The following PDE6B variants were observed in gnomAD, a reference collection of about 807,000 sequenced individuals.
PDE6B encodes phosphodiesterase 6B, also known as rod cGMP-specific 3',5'-cyclic phosphodiesterase subunit beta.
In PDE6B, 106 loss-of-function variants were observed where a neutral mutation model predicts 109.0. The ratio of observed to expected loss-of-function variants is 0.97; its 90% CI spans 0.83 to 1.14. The LOEUF is 1.14. Among genes scored for constraint, PDE6B ranks in the 50% most tolerant of loss-of-function variants. The probability of loss-of-function intolerance (pLI) is 0.00; values close to 1 mark genes in which losing one functional copy is unlikely to be tolerated. For synonymous variants in PDE6B, 490 were observed against 471.3 expected (o/e 1.04, Z -0.51); for missense variants, 1,193 against 1,155.6 (o/e 1.03, Z -0.47).
In PDE6B at chr4:667,856, G is replaced by A. The variant is rs1211131572; in HGVS notation, c.2353G>A (p.Glu785Lys). 6.2e-7 allele frequency: 1 copy of A among 1,612,820 alleles called. No individual in the cohort carries two copies. Among genetic ancestry groups the A allele is most frequent in the African/African-American group, 1.3e-5 (1 of 74,900 alleles). The change falls in exon 21 of 22, where the codon GAG becomes AAG. Residue 785 changes from glutamate (E) to lysine (K), a missense_variant and splice_region_variant. By Grantham distance (56) the Glu-to-Lys change is moderately conservative. Transcript: ENST00000496514. ...IDFVCTFVYK[E>K]FSRFHEEILP... is the part of the protein sequence containing the mutation. ...GTGGTGACTTCTCGACTCCCCTCAG[G>A]AGTTCTCTCGTTTCCACGAAGAGAT... is the stretch of plus-strand genomic sequence containing the variant.
chr4:646,998 C>T (rs1294393791), intron 3 of PDE6B, among the ~76,000 whole-genome samples: 6 of 151,804 alleles, frequency 4.0e-5, no homozygotes, highest in African/African-American at 1.5e-4. Flanking sequence ...GCTGGGATTA[C>T]AGGTGCCCAC....
intron 1 of PDE6B, among the ~76,000 whole-genome samples, chr4:631,002 GA>G (rs1560101967): frequency 6.6e-6 from 1 of 152,234 alleles, no homozygotes; most frequent in Non-Finnish European, 1.5e-5. Context: ...GGTGCCTGCT[GA>G]GACCAGTGAC....
chr4:629,290 C>G (rs377184538), intron 1 of PDE6B, among the ~76,000 whole-genome samples: 1 of 152,206 alleles, frequency 6.6e-6, no homozygotes, highest in Non-Finnish European at 1.5e-5. Flanking sequence ...AGCCACCAGC[C>G]CCCCCATCAC....
chr4:654,834 T>TCTGCTTCTCAGGAAATTGTCTA lies in PDE6B; in HGVS notation c.940_941insGCTTCTCAGGAAATTGTCTACT (p.Tyr314CysfsTer50). On this transcript the variant is annotated frameshift_variant, in exon 6 of 22. Coordinates refer to ENST00000496514, the MANE Select transcript of PDE6B (RefSeq NM_000283.4). LOFTEE classifies it high-confidence loss of function. ...TCTTCTGCTTCTCAGGAAATTGTCT[T>TCTGCTTCTCAGGAAATTGTCTA]CTACAAAGTGATCGACTACGTCCTC... 6.4e-7 allele frequency: 1 copy of TCTGCTTCTCAGGAAATTGTCTA among 1,561,978 alleles called. No homozygotes were observed. Among genetic ancestry groups the TCTGCTTCTCAGGAAATTGTCTA allele is most frequent in the Non-Finnish European group, 8.8e-7 (1 of 1,132,402 alleles).
Position 643,747 on chromosome 4 carries a change from G to A in PDE6B, c.711+7778G>A, listed in dbSNP as rs185067693. On this transcript the variant is annotated intron_variant, in intron 3 of 21. Coordinates refer to ENST00000496514, the MANE Select transcript of PDE6B (RefSeq NM_000283.4). ...ATTTATTTTCTTCTGCTTGCTTTAG[G>A]CTTAATTTGAAGTTCTTTTTCTAGT... Among the ~76,000 whole-genome samples, 533 of 149,670 alleles carry A rather than the reference G, an allele frequency of 3.6e-3. 6 individuals carry two copies. The highest frequency in any genetic ancestry group is 0.013 in the African/African-American group (504 of 39,646).
rs767873714 is a variant in PDE6B at position 663,180 on chromosome 4, C to T, written c.1913C>T (p.Ser638Leu). 19 of 1,587,262 alleles carry T rather than the reference C, an allele frequency of 1.2e-5. No individual in the cohort carries two copies. The South Asian group carries it at 1.4e-4, about 12-fold the overall frequency. The change falls in exon 15 of 22, where the codon TCG becomes TTG. Residue 638 changes from serine to leucine, a missense_variant. Ser to Leu is a moderately radical substitution (Grantham distance 145). Coordinates refer to ENST00000496514, the MANE Select transcript of PDE6B (RefSeq NM_000283.4). This position sits in a 1 kb window ranked among gnomAD's most constrained non-coding sequence, Gnocchi z 4.0. ...HHLEFGKFLL[S>L]EETLNIYQNL... ...CTGGAGTTTGGGAAGTTCCTGCTCT[C>T]GGAGGAGGTTGGTATACTCACCCTC...
rs1204738974 is a variant in PDE6B, at chr4:670,683, A to C, written c.*576A>C. On this transcript the variant is annotated 3_prime_UTR_variant, in exon 22 of 22. Transcript: ENST00000496514. ...AGAACATTTGCAGCCACACATGTACATATGTGTACACAGGTAGACAGATGG... is the reference window on the plus strand; with the variant it reads ...AGAACATTTGCAGCCACACATGTACCTATGTGTACACAGGTAGACAGATGG... 2 of 167,276 alleles carry C rather than the reference A, an allele frequency of 1.2e-5. No individual in the cohort carries two copies. The highest frequency in any genetic ancestry group is 2.6e-5 in the Non-Finnish European group (2 of 76,148). The allele number at this position is 167,276 out of a possible 1,614,324, so 10.4% of individuals were successfully genotyped here.
chr4:657,230 C>A, intron 9 of PDE6B, 121 bp from the exon 10 acceptor site: 2 of 1,267,586 alleles, frequency 1.6e-6, no homozygotes, highest in African/African-American at 1.5e-5. Context: ...CACAGAAGCA[C>A]TGCGACACCA....
intron 17 of PDE6B, among the ~76,000 whole-genome samples, chr4:664,587 G>C (rs1328007890): frequency 6.6e-6 from 1 of 152,156 alleles, no homozygotes; most frequent in Non-Finnish European, 1.5e-5. Context: ...AGGCCGAGGG[G>C]AGTGGATCAC....
intron 2 of PDE6B, among the ~76,000 whole-genome samples, chr4:635,341 ACCTGCCTG>A (rs1250629795): frequency 2.7e-5 from 2 of 74,810 alleles, no homozygotes; most frequent in East Asian, 4.3e-4. Flanking sequence ...CCACCTCCTT[ACCTGCCTG>A]CCTGCCTGCC....
intron 1 of PDE6B, among the ~76,000 whole-genome samples, chr4:634,005 T>G (rs34698095): frequency 0.031 from 4,420 of 143,378 alleles, 65 homozygotes; most frequent in Middle Eastern, 0.041. Context: ...GGAGTGAGGG[T>G]GGGTGGGTAC....
chr4:631,014 G>A (rs1260996342), intron 1 of PDE6B, among the ~76,000 whole-genome samples: 4 of 152,222 alleles, frequency 2.6e-5, no homozygotes, highest in African/African-American at 4.8e-5. Flanking sequence ...GACCAGTGAC[G>A]CAGCCAGGAA....
At chr4:645,679 C>T (rs1438969749) in intron 3 of PDE6B, among the ~76,000 whole-genome samples, 4 of 152,058 alleles carry the variant, frequency 2.6e-5, no homozygotes, top group African/African-American at 9.7e-5. Context: ...GTTGCACTTA[C>T]TCTTTATTAT....
intron 20 of PDE6B, among the ~76,000 whole-genome samples, chr4:667,576 C>T (rs540134279): frequency 6.6e-6 from 1 of 152,312 alleles, no homozygotes; most frequent in African/African-American, 2.4e-5. Flanking sequence ...GGCACCCTGC[C>T]CCCACCCCCT....
chr4:626,020 T>C lies in PDE6B; in HGVS notation c.394T>C (p.Phe132Leu), dbSNP rs1465365317. Residue 132 changes from phenylalanine (F) to leucine (L), a missense_variant, in exon 1 of 22, where the codon TTC becomes CTC. Coordinates refer to ENST00000496514, the MANE Select transcript of PDE6B (RefSeq NM_000283.4). This position sits in a 1 kb window ranked among gnomAD's most constrained non-coding sequence, Gnocchi z 4.6. ...CLVPPDSEIVFPLDIGVVGHV... is the reference protein window; with the variant it reads ...CLVPPDSEIVLPLDIGVVGHV... ...GGTGCCCCCCGACTCCGAGATCGTC[T>C]TCCCACTGGACATCGGGGTCGTGGG... is the stretch of plus-strand genomic sequence containing the variant. 2 of 1,594,476 alleles carry C rather than the reference T, an allele frequency of 1.3e-6. No individual in the cohort carries two copies. The highest frequency in any genetic ancestry group is 8.5e-7 in the Non-Finnish European group (1 of 1,171,242).
In PDE6B at chr4:663,860, C is replaced by G. The variant is rs1560135168; in HGVS notation, c.2011C>G (p.Leu671Val). The change falls in exon 16 of 22, where the codon CTG becomes GTG. Residue 671 changes from leucine (L) to valine (V), a missense_variant. By Grantham distance (32) the Leu-to-Val change is conservative. Transcript: ENST00000496514. This position sits in a 1 kb window ranked among gnomAD's most constrained non-coding sequence, Gnocchi z 4.0. ...CGCCATCATCGCCACGGACCTGGCC[C>G]TGTACTTCAAGTGCGCGCCTTCCGG... ...DIAIIATDLA[L>V]YFKKRAMFQK... 6.2e-7 allele frequency: 1 copy of G among 1,609,022 alleles called. No homozygotes were observed. Among genetic ancestry groups the G allele is most frequent in the Non-Finnish European group, 8.5e-7 (1 of 1,177,518 alleles).
intron 3 of PDE6B, among the ~76,000 whole-genome samples, chr4:637,929 C>T (rs761101586): frequency 1.4e-4 from 21 of 152,178 alleles, no homozygotes; most frequent in Non-Finnish European, 1.6e-4. Flanking sequence ...CTGATACCAG[C>T]GCAGGGGAAT....
intron 3 of PDE6B, among the ~76,000 whole-genome samples, chr4:641,507 G>A (rs1027227327): frequency 9.2e-5 from 14 of 152,202 alleles, no homozygotes; most frequent in Admixed American, 2.0e-4. Context: ...ACCAAGTACC[G>A]TCACAGCCAC....
At chr4:656,723 G>C in intron 8 of PDE6B, 151 bp from the exon 9 acceptor site, 2 of 699,128 alleles carry the variant, frequency 2.9e-6, no homozygotes, top group Non-Finnish European at 5.1e-6. Flanking sequence ...AATGCAGAGA[G>C]GGAGAGAGGG....
Sources: gnomAD v4.1 joint callset for allele counts (sites outside exome capture counted in the v4.1 genomes callset) on GRCh38, gnomAD v4.1.1 for gene constraint, Gnocchi (gnomAD v3.1) non-coding constraint, MANE v1.5 for transcripts, NCBI Gene and HGNC (gene_info 2026-07-23, HGNC 2026-07-21) for gene names.